The following ZNF18 variants were observed in gnomAD, a reference collection of about 807,000 sequenced individuals.
ZNF18 encodes zinc finger protein 18.
Under a neutral mutation model 58.1 loss-of-function variants are expected in ZNF18, and 42 were observed. The ratio of observed to expected loss-of-function variants is 0.72; its 90% CI spans 0.56 to 0.93. The LOEUF (loss-of-function observed/expected upper bound fraction) is 0.93, where lower values mean the gene tolerates loss of function less well. ZNF18 is among the 40% of genes least tolerant of loss of function. The pLI is 0.00. For missense variants in ZNF18, 540 were observed against 644.2 expected (o/e 0.84, Z 1.75); for synonymous variants, 231 against 239.8 (o/e 0.96, Z 0.34).
chr17:12,005,921 G>T, the ZNF18 span, among the ~76,000 whole-genome samples: 2 of 151,976 alleles, frequency 1.3e-5, no homozygotes, highest in African/African-American at 4.8e-5. Context: ...TACTAGAAAA[G>T]AATGATTGAT....
chr17:12,018,036 A>G, the ZNF18 span, among the ~76,000 whole-genome samples: 1 of 152,226 alleles, frequency 6.6e-6, no homozygotes, highest in Non-Finnish European at 1.5e-5. Context: ...TGATATTGCC[A>G]TACATTCCTC....
intron 4 of ZNF18, among the ~76,000 whole-genome samples, chr17:11,989,158 CAAA>C (rs34643808): frequency 6.7e-5 from 8 of 119,912 alleles, no homozygotes; most frequent in African/African-American, 6.2e-5. Context: ...GACCCTGTCT[CAAA>C]AAAAAAAAAA....
chr17:11,992,956 C>G, intron 1 of ZNF18, 45 bp from the exon 2 acceptor site: 1 of 1,156,320 alleles, frequency 8.6e-7, no homozygotes, highest in Non-Finnish European at 1.2e-6. Flanking sequence ...GAAGGGGACA[C>G]ATTTTCAGAA....
At chr17:11,994,116 T>C (rs1968316463) in intron 1 of ZNF18, among the ~76,000 whole-genome samples, 1 of 152,076 alleles carries the variant, frequency 6.6e-6, no homozygotes, top group South Asian at 2.1e-4. Context: ...CTAAGACTAA[T>C]CACAGCAATT....
the ZNF18 span, among the ~76,000 whole-genome samples, chr17:12,020,649 C>T: frequency 6.6e-5 from 10 of 152,108 alleles, no homozygotes; most frequent in Non-Finnish European, 1.5e-4. Flanking sequence ...GGCCCGCAGC[C>T]CTGGTCCAAG....
At chr17:12,018,953 T>C in the ZNF18 span, among the ~76,000 whole-genome samples, 2 of 150,852 alleles carry the variant, frequency 1.3e-5, no homozygotes, top group Non-Finnish European at 1.5e-5. Context: ...TATAACTATA[T>C]ATATACATAT....
the ZNF18 span, chr17:12,010,958 A>G: frequency 1.4e-6 from 1 of 702,026 alleles, no homozygotes; most frequent in Non-Finnish European, 2.6e-6. Flanking sequence ...ACACACATTA[A>G]TTCTCTTGGC....
At chr17:12,005,492 AT>A in the ZNF18 span, among the ~76,000 whole-genome samples, 1 of 152,122 alleles carries the variant, frequency 6.6e-6, no homozygotes, top group South Asian at 2.1e-4. Flanking sequence ...TTTCATCAAA[AT>A]TTTTTGCTTA....
At chr17:12,015,723 C>T in the ZNF18 span, among the ~76,000 whole-genome samples, 1 of 152,096 alleles carries the variant, frequency 6.6e-6, no homozygotes, top group Non-Finnish European at 1.5e-5. Context: ...AAGTAAATTG[C>T]AGATATCAGC....
Position 11,992,812 on chromosome 17 carries a change from C to T in ZNF18, c.18G>A (p.Gly6=). The change falls in exon 2 of 7, where the codon GGG becomes GGA. Residue 6 remains glycine (G), a synonymous_variant. Transcript: ENST00000580306. ...GCGATGGCAGCAGGCCTAGGGCCTG[C>T]CCCAAGTCAACGGGCATTGTCCAGC... The part of the protein sequence containing the change: MPVDL[G]QALGLLPSLA... The T allele has an allele frequency of 1.9e-6, 3 of 1,612,452 alleles. No individual in the cohort carries two copies. Among genetic ancestry groups the T allele is most frequent in the Non-Finnish European group, 2.5e-6 (3 of 1,179,492 alleles).
At chr17:11,999,979 T>G (rs1597991296), upstream of ZNF18, among the ~76,000 whole-genome samples, 2 of 152,298 alleles carry the variant, frequency 1.3e-5, no homozygotes, top group South Asian at 4.1e-4. Flanking sequence ...CCCAATGTAG[T>G]GCCAGAATCT....
the ZNF18 span, among the ~76,000 whole-genome samples, chr17:12,003,758 A>T: frequency 2.6e-5 from 4 of 152,188 alleles, no homozygotes; most frequent in African/African-American, 9.6e-5. Context: ...GCTTAGGCAG[A>T]CCCCTTTGAG....
chr17:12,011,060 C>T, the ZNF18 span: 2 of 735,804 alleles, frequency 2.7e-6, no homozygotes, highest in African/African-American at 3.4e-5. Flanking sequence ...CATGGTGACA[C>T]CTGTGGGGCA....
chr17:11,994,829 A>G (rs927166124), intron 1 of ZNF18, among the ~76,000 whole-genome samples: 8 of 152,150 alleles, frequency 5.3e-5, no homozygotes, highest in African/African-American at 1.9e-4. Context: ...CGACAGAGCG[A>G]GACTCCGTCT....
intron 6 of ZNF18, among the ~76,000 whole-genome samples, chr17:11,980,714 A>G (rs149939991): frequency 0.011 from 1,634 of 152,220 alleles, 31 homozygotes; most frequent in African/African-American, 0.037. Context: ...CCACCGCACC[A>G]GCCTGATCAT....
chr17:12,003,850 A>G, the ZNF18 span, among the ~76,000 whole-genome samples: 149 of 152,338 alleles, frequency 9.8e-4, no homozygotes, highest in Non-Finnish European at 1.9e-3. Flanking sequence ...CCAGCTCCTT[A>G]GTTTGCACAT....
upstream of ZNF18, among the ~76,000 whole-genome samples, chr17:11,998,956 A>G (rs1481786266): frequency 6.6e-6 from 1 of 151,346 alleles, no homozygotes; most frequent in African/African-American, 2.4e-5. Flanking sequence ...GATTACAGGC[A>G]TGAGCCATGG....
chr17:11,999,707 G>A (rs1385642370), upstream of ZNF18, among the ~76,000 whole-genome samples: 2 of 152,154 alleles, frequency 1.3e-5, no homozygotes, highest in Non-Finnish European at 2.9e-5. Context: ...AGGGTGAGCT[G>A]GACAATAAAT....
chr17:11,984,274 G>C (rs1378286666), intron 4 of ZNF18, 77 bp from the exon 5 acceptor site: 2 of 1,400,276 alleles, frequency 1.4e-6, no homozygotes, highest in Non-Finnish European at 1.9e-6. Flanking sequence ...CCTGCCTAAA[G>C]GAAAGCTGAG....
Sources: gnomAD v4.1 joint callset for allele counts (sites outside exome capture counted in the v4.1 genomes callset) on GRCh38, gnomAD v4.1.1 for gene constraint, MANE v1.5 for transcripts, NCBI Gene and HGNC (gene_info 2026-07-23, HGNC 2026-07-21) for gene names.